Variants in DMD observed in about 807,000 individuals in gnomAD.
The protein encoded by DMD is dystrophin.
In DMD, 63 loss-of-function variants were observed where a neutral mutation model predicts 330.1. The observed-to-expected ratio is 0.19, with a 90% confidence interval of 0.16 to 0.24. The LOEUF (loss-of-function observed/expected upper bound fraction) is 0.24, where lower values mean the gene tolerates loss of function less well. Among genes scored for constraint, DMD ranks in the 10% least tolerant of loss-of-function variants. DMD has a pLI of 1.00. For synonymous variants in DMD, 1,223 were observed against 959.8 expected (o/e 1.27, Z -5.07); for missense variants, 3,344 against 2,684.1 (o/e 1.25, Z -5.43).
chrX:31,715,522 G>A (rs1432020325), intron 52 of DMD, among the ~76,000 whole-genome samples: 2 of 84,208 alleles, frequency 2.4e-5, no homozygotes, highest in East Asian at 3.7e-4. Context: ...CAGCCTGGGC[G>A]ACAGAGCGAA....
chrX:32,362,839 T>C lies in DMD; in HGVS notation c.5274A>G (p.Ser1758=). The change falls in exon 37 of 79, where the codon TCA becomes TCG. Residue 1758 remains serine, a synonymous_variant. Transcript: ENST00000357033. ...TGGCTGCAAATCGATGGTTGAGCTC[T>C]GAGATTTGGGGCTCTACTAATTTCC... ...HCRKLVEPQI[S]ELNHRFAAIS... is the part of the protein sequence containing the mutation. The C allele has an allele frequency of 8.3e-7, 1 of 1,211,354 alleles. No homozygotes were observed. The highest frequency in any genetic ancestry group is 1.1e-6 in the Non-Finnish European group (1 of 895,336).
chrX:32,400,807 T>C (rs1223185946), intron 30 of DMD, among the ~76,000 whole-genome samples: 6 of 107,328 alleles, frequency 5.6e-5, no homozygotes, highest in Non-Finnish European at 1.2e-4. Flanking sequence ...GAAATACCAT[T>C]TGACCCAGCC....
intron 1 of DMD, chrX:33,128,360 C>T: frequency 9.8e-7 from 1 of 1,024,099 alleles, no homozygotes; most frequent in South Asian, 3.4e-5. Flanking sequence ...TCTTTTTGCA[C>T]CTGTTTCTTC....
At chrX:32,075,828 T>G (rs2096340438) in intron 44 of DMD, among the ~76,000 whole-genome samples, 1 of 108,461 alleles carries the variant, frequency 9.2e-6, no homozygotes, top group African/African-American at 3.4e-5. Context: ...TAGGGCAGAC[T>G]GCTTGAGACC....
At chrX:31,511,348 A>G (rs938750622) in intron 55 of DMD, among the ~76,000 whole-genome samples, 2 of 104,528 alleles carry the variant, frequency 1.9e-5, no homozygotes, top group Non-Finnish European at 3.9e-5. Context: ...TATTATTATT[A>G]TACTTTAAAT....
chrX:32,843,993 G>GA (rs2080402986), intron 4 of DMD, among the ~76,000 whole-genome samples: 1 of 112,618 alleles, frequency 8.9e-6, no homozygotes, highest in Non-Finnish European at 1.9e-5. Context: ...TATGCTTGGA[G>GA]ACAGCGTTTA....
At chrX:31,829,755 T>G (rs2092978487) in intron 49 of DMD, among the ~76,000 whole-genome samples, 1 of 112,217 alleles carries the variant, frequency 8.9e-6, no homozygotes, top group East Asian at 2.8e-4. Flanking sequence ...TGTCAATGGT[T>G]GGCATGCAAT....
At chrX:31,669,575 T>G (rs1305920915) in intron 53 of DMD, among the ~76,000 whole-genome samples, 2 of 111,910 alleles carry the variant, frequency 1.8e-5, no homozygotes, top group Admixed American at 1.9e-4. Context: ...AGACTATTCT[T>G]TTTCCATTGA....
intron 7 of DMD, among the ~76,000 whole-genome samples, chrX:32,723,649 G>C (rs1382430122): frequency 1.8e-5 from 2 of 110,993 alleles, no homozygotes; most frequent in African/African-American, 6.5e-5. Context: ...GCTAAGAAAA[G>C]AGACTTTAGG....
chrX:33,201,842 A>G (rs750389493), intron 1 of DMD, among the ~76,000 whole-genome samples: 1 of 112,373 alleles, frequency 8.9e-6, no homozygotes, highest in East Asian at 2.8e-4. Flanking sequence ...ACTGAAATAA[A>G]CTCTAAAAGA....
At chrX:32,871,173 T>TC (rs1183079120) in intron 2 of DMD, among the ~76,000 whole-genome samples, 12 of 110,044 alleles carry the variant, frequency 1.1e-4, no homozygotes, top group Admixed American at 2.9e-4. Flanking sequence ...GGTCTATTTT[T>TC]CCTCTCTGCT....
chrX:32,653,550 G>A (rs1441435598), intron 9 of DMD, among the ~76,000 whole-genome samples: 4 of 111,770 alleles, frequency 3.6e-5, no homozygotes, highest in Non-Finnish European at 7.5e-5. Flanking sequence ...ATGCTGTTTT[G>A]GTTACTGTAG....
chrX:32,952,173 G>A lies in DMD; in HGVS notation c.93+67966C>T, dbSNP rs775554071. Among the ~76,000 whole-genome samples, 6 of 106,781 alleles carry A rather than the reference G, an allele frequency of 5.6e-5. No homozygotes were observed. In the East Asian group the frequency reaches 1.5e-3, roughly 26 times the overall value. 92.7% of individuals were successfully genotyped at this position (106,781 alleles called of 115,157 possible). ...TTTTGAGACTCAGTCTCACTCTGTC[G>A]CCCAGGCTGGAGTGCAGTGGCACAA... On this transcript the variant is annotated intron_variant, in intron 2 of 78. Coordinates refer to ENST00000357033, the MANE Select transcript of DMD (RefSeq NM_004006.3).
chrX:31,223,600 AT>A (rs1837865396), intron 63 of DMD, among the ~76,000 whole-genome samples: 1 of 112,278 alleles, frequency 8.9e-6, no homozygotes, highest in Non-Finnish European at 1.9e-5. Flanking sequence ...GACATTTAAC[AT>A]ATACATATAT....
chrX:31,767,912 C>T (rs2090102385), intron 51 of DMD, among the ~76,000 whole-genome samples: 1 of 111,774 alleles, frequency 8.9e-6, no homozygotes, highest in Admixed American at 9.5e-5. Flanking sequence ...TTTAAATATA[C>T]ACTATACCCA....
intron 12 of DMD, among the ~76,000 whole-genome samples, chrX:32,601,081 C>T (rs925581558): frequency 1.8e-5 from 2 of 110,925 alleles, no homozygotes; most frequent in Non-Finnish European, 3.8e-5. Context: ...TGCCCCATTC[C>T]TTCTACCACC....
At chrX:31,866,787 A>T (rs185602925) in intron 48 of DMD, among the ~76,000 whole-genome samples, 18 of 111,992 alleles carry the variant, frequency 1.6e-4, no homozygotes, top group African/African-American at 5.5e-4. Flanking sequence ...AAAGAGAATA[A>T]CTTTGTCCTA....
intron 1 of DMD, among the ~76,000 whole-genome samples, chrX:33,092,470 C>A (rs182467764): frequency 9.0e-6 from 1 of 111,407 alleles, no homozygotes; most frequent in East Asian, 2.8e-4. Flanking sequence ...TTTTAGTAGA[C>A]AATTATACAA....
intron 62 of DMD, among the ~76,000 whole-genome samples, chrX:31,320,862 C>T (rs986233988): frequency 1.2e-4 from 13 of 111,707 alleles, no homozygotes; most frequent in Middle Eastern, 4.2e-3. Context: ...TGAGAAATTA[C>T]GTAATTTCCT....
Sources: allele counts gnomAD v4.1 joint callset (sites outside exome capture counted in the v4.1 genomes callset), GRCh38; gene constraint gnomAD v4.1.1; transcripts MANE v1.5; gene names NCBI Gene and HGNC (gene_info 2026-07-23, HGNC 2026-07-21).